The following MTMR3 variants were observed in gnomAD, a reference collection of about 807,000 sequenced individuals.
MTMR3 encodes the protein phosphatidylinositol-3,5-bisphosphate 3-phosphatase MTMR3.
A neutral mutation model predicts 132.4 loss-of-function variants in MTMR3; 32 were observed. That is an observed-to-expected ratio of 0.24 (90% CI 0.18 to 0.32). MTMR3 has a LOEUF of 0.32. Among genes scored for constraint, MTMR3 ranks in the 10% least tolerant of loss-of-function variants. MTMR3 has a pLI of 1.00. For missense variants in MTMR3, 1,216 were observed against 1,489.6 expected (o/e 0.82, Z 3.02); for synonymous variants, 556 against 550.3 (o/e 1.01, Z -0.14).
intron 5 of MTMR3, chr22:29,982,937 TTGTGTGTGTGTGTGTGTGTG>T (rs144471515): frequency 3.4e-5 from 5 of 146,384 alleles, no homozygotes; most frequent in South Asian, 4.3e-4. Context: ...AAAAGTTTGT[TTGTGTGTGTGTGTGTGTGTG>T]TGTGTGTGTG....
chr22:30,019,643 T>A lies in MTMR3; in HGVS notation c.1984T>A (p.Ser662Thr), dbSNP rs771645540. The A allele has an allele frequency of 6.2e-7, 1 of 1,614,190 alleles. No individual in the cohort carries two copies. The highest frequency in any genetic ancestry group is 8.5e-7 in the Non-Finnish European group (1 of 1,180,032). ...GGCTGGCCCTGGAGAGGATCCCCTT[T>A]CTGCCGACAGCCTAGGGAAGCCCAC... ...SLAGPGEDPL[S>T]ADSLGKPTRV... The change falls in exon 17 of 20, where the codon TCT becomes ACT. Residue 662 changes from serine (S) to threonine (T), a missense_variant. Coordinates refer to ENST00000401950, the MANE Select transcript of MTMR3 (RefSeq NM_021090.4).
chr22:29,918,254 T>TCTTA (rs2065345541), intron 1 of MTMR3, among the ~76,000 whole-genome samples: 2 of 152,252 alleles, frequency 1.3e-5, no homozygotes, highest in Admixed American at 1.3e-4. Context: ...TATAGTGCTT[T>TCTTA]CTTACACTAA....
chr22:29,971,855 G>A (rs1229359051), intron 3 of MTMR3, among the ~76,000 whole-genome samples: 1 of 152,184 alleles, frequency 6.6e-6, no homozygotes, highest in Non-Finnish European at 1.5e-5. Context: ...ATGGTCCTCT[G>A]TAATATTGTC....
intron 1 of MTMR3, among the ~76,000 whole-genome samples, chr22:29,893,799 A>G (rs868361357): frequency 5.3e-5 from 8 of 152,180 alleles, no homozygotes; most frequent in Admixed American, 3.3e-4. Flanking sequence ...CCATTTTTCT[A>G]CAACGAGCAT....
chr22:29,950,922 G>A (rs1445089026), intron 1 of MTMR3, among the ~76,000 whole-genome samples: 1 of 140,328 alleles, frequency 7.1e-6, no homozygotes, highest in Non-Finnish European at 1.7e-5. Context: ...GGAGGCCGAG[G>A]CAGGTGGATC....
chr22:29,906,256 CTGTCTGTCTGTCTG>C (rs1275928717), intron 1 of MTMR3, among the ~76,000 whole-genome samples: 2 of 69,764 alleles, frequency 2.9e-5, no homozygotes, highest in East Asian at 1.2e-3. Flanking sequence ...GTCTGTCTGT[CTGTCTGTCTGTCTG>C]TCTGTCTGTC....
intron 11 of MTMR3, chr22:30,008,787 T>C: frequency 2.2e-6 from 1 of 445,068 alleles, no homozygotes; most frequent in Non-Finnish European, 4.0e-6. Flanking sequence ...TGTCAGTATC[T>C]TCTTTACAAA....
At chr22:30,000,844 C>T (rs2067157291) in intron 8 of MTMR3, 1 of 152,092 alleles carries the variant, frequency 6.6e-6, no homozygotes, top group African/African-American at 2.4e-5. Flanking sequence ...ATTGTTTATC[C>T]ACAAGTGAGT....
intron 3 of MTMR3, among the ~76,000 whole-genome samples, chr22:29,975,419 G>T (rs1049318944): frequency 6.6e-6 from 1 of 152,056 alleles, no homozygotes; most frequent in Non-Finnish European, 1.5e-5. Flanking sequence ...ATAGATGACA[G>T]GTAAATTCTC....
At chr22:29,916,998 G>A (rs76317766) in intron 1 of MTMR3, among the ~76,000 whole-genome samples, 8,004 of 152,184 alleles carry the variant, frequency 0.053, 253 homozygotes, top group Admixed American at 0.074. Flanking sequence ...GGATTATTCT[G>A]TTCTTGTTCT....
chr22:29,949,218 T>G (rs2066023372), intron 1 of MTMR3, among the ~76,000 whole-genome samples: 1 of 134,348 alleles, frequency 7.4e-6, no homozygotes, highest in South Asian at 2.5e-4. Context: ...CCAGGCGTGG[T>G]GGCTCATGCC....
chr22:30,022,531 C>A, intron 18 of MTMR3, 78 bp from the exon 19 acceptor site: 1 of 1,274,566 alleles, frequency 7.8e-7, no homozygotes, highest in Non-Finnish European at 1.1e-6. Flanking sequence ...GTGACTCTTG[C>A]TGCCCCCAGC....
At position 30,022,615 on chromosome 22, in the gene MTMR3, C is replaced by T. The variant is rs867579381; in HGVS notation, c.3343C>T (p.Arg1115Cys). The T allele has an allele frequency of 3.1e-6, 5 of 1,613,034 alleles. No individual in the cohort carries two copies. Among genetic ancestry groups the T allele is most frequent in the South Asian group, 2.2e-5 (2 of 91,068 alleles). ...GGTCCCATCTGTTTTGCAGATGACC[C>T]GTTGGCTTCCTGACCACCTGGCCGC... ...QVDKQDTEMT[R>C]WLPDHLAAHC... The change falls in exon 19 of 20, where the codon CGT (arginine) becomes TGT (cysteine). Residue 1115 changes from arginine (R) to cysteine (C), a missense_variant. Physicochemically the swap from Arg to Cys is radical, Grantham distance 180 (BLOSUM62 -3). Transcript: ENST00000401950.
chr22:30,023,623 GAGGGGATTCA>G (rs1261480221), intron 19 of MTMR3: 11 of 1,042,318 alleles, frequency 1.1e-5, no homozygotes, highest in African/African-American at 3.1e-5. Flanking sequence ...AGGTGGGCTT[GAGGGGATTCA>G]AAGCAGCTGA....
At chr22:29,941,347 T>G (rs569539256) in intron 1 of MTMR3, among the ~76,000 whole-genome samples, 2 of 152,184 alleles carry the variant, frequency 1.3e-5, no homozygotes, top group African/African-American at 4.8e-5. Flanking sequence ...GGGGCTGTTA[T>G]GAGTAAGGTT....
At chr22:29,994,823 C>T (rs1277717171) in intron 7 of MTMR3, 5 of 152,226 alleles carry the variant, frequency 3.3e-5, no homozygotes, top group African/African-American at 7.2e-5. Flanking sequence ...GGTCACAGCT[C>T]TAAGGCTTAA....
chr22:30,021,914 A>T (rs2067766642), intron 17 of MTMR3, 115 bp from the exon 18 acceptor site: 4 of 743,928 alleles, frequency 5.4e-6, no homozygotes, highest in Non-Finnish European at 9.3e-6. Flanking sequence ...CAGATTCGGC[A>T]GTCCTAGCAC....
chr22:30,023,109 C>G, intron 19 of MTMR3: 1 of 402,594 alleles, frequency 2.5e-6, no homozygotes, highest in South Asian at 2.8e-5. Context: ...TTCCCTTGTG[C>G]CATTGGTGAG....
rs1327735480 is a variant in MTMR3 at position 30,020,707 on chromosome 22, C to T, written c.3048C>T (p.Asp1016=). 5.0e-6 allele frequency: 8 copies of T among 1,614,196 alleles called. No homozygotes were observed. In the Admixed American group the frequency reaches 5.0e-5, roughly 10 times the overall value. The change falls in exon 17 of 20, where the codon GAC becomes GAT. Residue 1016 remains aspartate, a synonymous_variant. Coordinates refer to ENST00000401950, the MANE Select transcript of MTMR3 (RefSeq NM_021090.4). The part of the protein sequence containing the change: ...SPDQPSRSHL[D]DDGMSVYTDT... ...ACCAGCCTTCCCGCAGCCACCTGGA[C>T]GATGATGGCATGTCAGTGTACACAG...
Sources: allele counts gnomAD v4.1 joint callset (sites outside exome capture counted in the v4.1 genomes callset), GRCh38; gene constraint gnomAD v4.1.1; transcripts MANE v1.5; gene names NCBI Gene and HGNC (gene_info 2026-07-23, HGNC 2026-07-21).